PLEKHG1: variants seen among roughly 807,000 people sequenced by gnomAD.
PLEKHG1 encodes pleckstrin homology and RhoGEF domain containing G1.
A neutral mutation model predicts 100.8 loss-of-function variants in PLEKHG1; 44 were observed. That is an observed-to-expected ratio of 0.44 (90% CI 0.34 to 0.56). PLEKHG1 has a LOEUF of 0.56. Ranked by LOEUF, PLEKHG1 falls within the 20% of genes least tolerant of loss-of-function variation. The pLI is 0.01. For missense variants in PLEKHG1, 1,545 were observed against 1,720.9 expected (o/e 0.90, Z 1.81); for synonymous variants, 640 against 662.5 (o/e 0.97, Z 0.52).
intron 1 of PLEKHG1, among the ~76,000 whole-genome samples, chr6:150,610,633 A>G (rs1776786857): frequency 1.3e-5 from 2 of 152,260 alleles, no homozygotes; most frequent in African/African-American, 2.4e-5. Flanking sequence ...AGGAAAAAAA[A>G]GAGCAGGAAA....
In PLEKHG1 at chr6:150,640,441, C is replaced by A. The variant is rs77020614; in HGVS notation, c.-158+2316C>A. 6.0e-3 allele frequency among the ~76,000 whole-genome samples: 917 copies of A among 152,308 alleles called. 6 individuals are homozygous for A. Among genetic ancestry groups the A allele is most frequent in the Non-Finnish European group, 9.0e-3 (610 of 68,022 alleles). On this transcript the variant is annotated intron_variant, in intron 2 of 3. Coordinates refer to the PLEKHG1 transcript ENST00000367326. ...GTCATAACAGCAAACGTGTCCCCAT[C>A]TTAATTAACACTGGTCCCTGGGTCC...
At chr6:150,740,378 A>G (rs1274732397) in intron 2 of PLEKHG1, among the ~76,000 whole-genome samples, 2 of 152,254 alleles carry the variant, frequency 1.3e-5, no homozygotes, top group African/African-American at 2.4e-5. Flanking sequence ...TCCCTGGCCC[A>G]GCCTTACCTG....
intron 3 of PLEKHG1, among the ~76,000 whole-genome samples, chr6:150,667,181 T>C (rs1322016571): frequency 5.3e-5 from 8 of 152,188 alleles, no homozygotes; most frequent in Non-Finnish European, 1.2e-4. Context: ...TCTAAACATA[T>C]ATTAGGGTTG....
In PLEKHG1 at chr6:150,804,063, T is replaced by C. The variant is rs565821015; in HGVS notation, c.781-547T>C. ...TCCTATTCCACTTTTATCTTTCCTA[T>C]CCTTGTTTTTTTTTTTCCCCTTGTC... On this transcript the variant is annotated intron_variant, in intron 6 of 15. Transcript: ENST00000358517. Among the ~76,000 whole-genome samples the C allele has an allele frequency of 2.7e-5, 4 of 147,028 alleles. No homozygotes were observed. The Middle Eastern group carries it at 0.014, about 525-fold the overall frequency.
chr6:150,615,140 G>A (rs1373077569), intron 1 of PLEKHG1, among the ~76,000 whole-genome samples: 1 of 152,210 alleles, frequency 6.6e-6, no homozygotes. Context: ...TTAGATAGAA[G>A]GTTTGTTTTT....
At chr6:150,839,741 A>C in intron 15 of PLEKHG1, 92 bp from the exon 17 acceptor site, 1 of 837,484 alleles carries the variant, frequency 1.2e-6, no homozygotes, top group Non-Finnish European at 1.9e-6. Flanking sequence ...AAATTTTAAA[A>C]TACGTTGGTT....
At chr6:150,739,337 A>G (rs959116881) in intron 2 of PLEKHG1, among the ~76,000 whole-genome samples, 1 of 152,074 alleles carries the variant, frequency 6.6e-6, no homozygotes, top group African/African-American at 2.4e-5. Flanking sequence ...TATCCTTTTC[A>G]TGGACCTTTA....
chr6:150,729,664 C>T (rs962445136), intron 1 of PLEKHG1, among the ~76,000 whole-genome samples: 47 of 152,166 alleles, frequency 3.1e-4, no homozygotes, highest in African/African-American at 1.1e-3. Context: ...AAATGTTTCA[C>T]TTCTGTCATT....
At chr6:150,748,614 C>A (rs1481221362) in intron 2 of PLEKHG1, among the ~76,000 whole-genome samples, 1 of 134,062 alleles carries the variant, frequency 7.5e-6, no homozygotes, top group African/African-American at 2.8e-5. Context: ...CTACCTTTGA[C>A]CTTTTTTTTT....
intron 2 of PLEKHG1, among the ~76,000 whole-genome samples, chr6:150,742,399 T>C (rs1446522394): frequency 6.6e-6 from 1 of 152,050 alleles, no homozygotes; most frequent in East Asian, 1.9e-4. Context: ...ACCCTGTCTC[T>C]ACTAAAAGTA....
At chr6:150,669,386 A>G (rs1779509368) in intron 3 of PLEKHG1, among the ~76,000 whole-genome samples, 1 of 152,090 alleles carries the variant, frequency 6.6e-6, no homozygotes, top group Non-Finnish European at 1.5e-5. Flanking sequence ...TTTGATGTCT[A>G]ACTCCCTTAT....
intron 1 of PLEKHG1, among the ~76,000 whole-genome samples, chr6:150,630,762 T>C (rs1777715243): frequency 6.6e-6 from 1 of 151,978 alleles, no homozygotes; most frequent in Non-Finnish European, 1.5e-5. Context: ...CCGGGCTAGA[T>C]GAGGTATCAG....
At chr6:150,814,989 T>C (rs1318135870) in intron 10 of PLEKHG1, among the ~76,000 whole-genome samples, 1 of 152,182 alleles carries the variant, frequency 6.6e-6, no homozygotes, top group African/African-American at 2.4e-5. Context: ...CCCAAAGTGC[T>C]AGGATTACAG....
In PLEKHG1 at chr6:150,808,473, G is replaced by A. The variant is rs575063130; in HGVS notation, c.913-632G>A. ...TGAGAAAAATCAAGGGAAGGGGCCG[G>A]GTGCGGTGGCTCACTTCTATAATCC... On this transcript the variant is annotated intron_variant, in intron 7 of 15. Coordinates refer to ENST00000358517, the Ensembl canonical transcript of PLEKHG1. 3.3e-5 allele frequency among the ~76,000 whole-genome samples: 5 copies of A among 152,128 alleles called. No individual in the cohort carries two copies. The East Asian group carries it at 9.6e-4, about 29-fold the overall frequency.
exon 2 of PLEKHG1, chr6:150,734,088 T>C (rs1562472855): frequency 1.9e-6 from 3 of 1,607,492 alleles, no homozygotes; most frequent in African/African-American, 1.3e-5. Context: ...AAAAGCATCG[T>C]AGAGGTAAGA....
intron 3 of PLEKHG1, among the ~76,000 whole-genome samples, chr6:150,691,498 T>G (rs1780348604): frequency 6.6e-6 from 1 of 152,210 alleles, no homozygotes; most frequent in African/African-American, 2.4e-5. Context: ...TTTTTACATT[T>G]CAAAGGCCTA....
chr6:150,761,028 CACATCCACATGAAGTCAA>C (rs1191780321), intron 2 of PLEKHG1, among the ~76,000 whole-genome samples: 1 of 150,906 alleles, frequency 6.6e-6, no homozygotes, highest in African/African-American at 2.4e-5. Flanking sequence ...TACATTTATA[CACATCCACATGAAGTCAA>C]TAAATGACAT....
At chr6:150,742,525 A>G (rs1583039663) in intron 2 of PLEKHG1, among the ~76,000 whole-genome samples, 1 of 134,862 alleles carries the variant, frequency 7.4e-6, no homozygotes, top group Admixed American at 8.8e-5. Context: ...AGATAGCGCC[A>G]TTGCACTCCA....
chr6:150,733,404 A>G (rs775973874), intron 1 of PLEKHG1, among the ~76,000 whole-genome samples, 180 bp from the exon 3 acceptor site: 14 of 152,296 alleles, frequency 9.2e-5, no homozygotes, highest in Non-Finnish European at 4.4e-5. Context: ...AGGCACCCAG[A>G]TGATGCTTCA....
Sources: gnomAD v4.1 joint callset for allele counts (sites outside exome capture counted in the v4.1 genomes callset) on GRCh38, gnomAD v4.1.1 for gene constraint, MANE v1.5 for transcripts, NCBI Gene and HGNC (gene_info 2026-07-23, HGNC 2026-07-21) for gene names.